The following ZFHX3 variants were observed in gnomAD, a reference collection of about 807,000 sequenced individuals.
The protein encoded by ZFHX3 is zinc finger homeobox 3, also known as zinc finger homeobox protein 3.
ZFHX3 carries 42 observed loss-of-function variants against 279.1 expected under a neutral mutation model. The observed-to-expected ratio is 0.15, with a 90% CI of 0.12 to 0.19. ZFHX3 has a LOEUF of 0.19. Among genes scored for constraint, ZFHX3 ranks in the 10% least tolerant of loss-of-function variants. The probability of loss-of-function intolerance (pLI) is 1.00; values close to 1 mark genes in which losing one functional copy is unlikely to be tolerated. For synonymous variants in ZFHX3, 2,293 were observed against 1,957.8 expected, an observed-to-expected ratio of 1.17 and a Z score of -4.52; for missense variants, 4,981 against 4,754.0, an observed-to-expected ratio of 1.05 and a Z score of -1.40.
At chr16:73,168,880 A>G (rs1967456767) in intron 5 of ZFHX3, among the ~76,000 whole-genome samples, 1 of 152,168 alleles carries the variant, frequency 6.6e-6, no homozygotes, top group Non-Finnish European at 1.5e-5. Flanking sequence ...CCTTGAGAGC[A>G]TGGCACCCTT....
At chr16:72,850,960 C>T (rs1482907035) in intron 4 of ZFHX3, among the ~76,000 whole-genome samples, 1 of 151,986 alleles carries the variant, frequency 6.6e-6, no homozygotes, top group Non-Finnish European at 1.5e-5. Context: ...TAGCTTTGGG[C>T]CAAGTGGTGA....
intron 2 of ZFHX3, among the ~76,000 whole-genome samples, chr16:73,643,318 C>T (rs2052590141): frequency 1.3e-5 from 2 of 152,114 alleles, no homozygotes; most frequent in African/African-American, 2.4e-5. Context: ...TATGAATGAA[C>T]CCTTTTCTGG....
chr16:72,885,698 A>C lies in ZFHX3; in HGVS notation c.3448+4033T>G, dbSNP rs1014726301. Among the ~76,000 whole-genome samples, 22 of 152,224 alleles carry C rather than the reference A, an allele frequency of 1.4e-4. 1 individual carries two copies. The highest frequency in any genetic ancestry group is 2.1e-4 in the South Asian group (1 of 4,830). Reference sequence around the variant, plus strand: ...ATGAGGTCCAGAACTCAGAAAGGACAAGGGGTTATTTCTGAAGGGTTTTGT... The same window carrying C: ...ATGAGGTCCAGAACTCAGAAAGGACCAGGGGTTATTTCTGAAGGGTTTTGT... On this transcript the variant is annotated intron_variant, in intron 4 of 9. Transcript: ENST00000268489.
chr16:72,955,083 A>T lies in ZFHX3; in HGVS notation c.2719+2344T>A, dbSNP rs1961187617. On this transcript the variant is annotated intron_variant, in intron 2 of 9. Transcript: ENST00000268489. ...CTGAGGTCATACAACTCAAATTCCA[A>T]GTCTTTTGGACACTTCCTATGGCCC... Among the ~76,000 whole-genome samples the T allele has an allele frequency of 2.0e-5, 3 of 152,168 alleles. No individual in the cohort carries two copies. In the South Asian group the frequency reaches 6.2e-4, roughly 32 times the overall value.
intron 1 of ZFHX3, among the ~76,000 whole-genome samples, chr16:73,688,138 C>A (rs1016430343): frequency 6.6e-6 from 1 of 151,818 alleles, no homozygotes; most frequent in Non-Finnish European, 1.5e-5. Context: ...AGGTGGATCA[C>A]CTGAGGTCAG....
At chr16:73,605,290 G>A (rs1409034900) in intron 2 of ZFHX3, among the ~76,000 whole-genome samples, 2 of 152,214 alleles carry the variant, frequency 1.3e-5, no homozygotes, top group Non-Finnish European at 2.9e-5. Flanking sequence ...AAACCTCATC[G>A]TGGAAGGAGT....
intron 2 of ZFHX3, among the ~76,000 whole-genome samples, chr16:72,951,183 T>C (rs1960978112): frequency 6.6e-6 from 1 of 152,216 alleles, no homozygotes; most frequent in South Asian, 2.1e-4. Flanking sequence ...CTGAGATTTC[T>C]GGCAGGTTTT....
chr16:72,883,692 T>C (rs985793011), intron 4 of ZFHX3, among the ~76,000 whole-genome samples: 2 of 152,278 alleles, frequency 1.3e-5, no homozygotes, highest in African/African-American at 2.4e-5. Context: ...TGCTGAAATT[T>C]ACAATCCCTG....
At chr16:73,006,354 G>A (rs973378430) in intron 1 of ZFHX3, among the ~76,000 whole-genome samples, 7 of 152,158 alleles carry the variant, frequency 4.6e-5, no homozygotes, top group African/African-American at 7.2e-5. Context: ...CAAGTGTGAC[G>A]GCTCAAGCCT....
At chr16:73,158,115 T>A (rs1967138791) in intron 5 of ZFHX3, among the ~76,000 whole-genome samples, 3 of 152,232 alleles carry the variant, frequency 2.0e-5, no homozygotes, top group African/African-American at 7.2e-5. Flanking sequence ...ACATTAATTA[T>A]GTCCTAAGAA....
At chr16:73,850,287 G>A (rs1961562181) in intron 1 of ZFHX3, among the ~76,000 whole-genome samples, 1 of 152,188 alleles carries the variant, frequency 6.6e-6, no homozygotes, top group Non-Finnish European at 1.5e-5. Flanking sequence ...AACTACAAAA[G>A]ATTTTTAAAG....
At chr16:73,674,782 T>C (rs1597059610) in intron 2 of ZFHX3, among the ~76,000 whole-genome samples, 2 of 152,230 alleles carry the variant, frequency 1.3e-5, no homozygotes, top group Admixed American at 1.3e-4. Flanking sequence ...CCCTCAGATA[T>C]GTGGCTCCAA....
chr16:73,307,585 C>T (rs1244716274), intron 4 of ZFHX3, among the ~76,000 whole-genome samples: 1 of 152,166 alleles, frequency 6.6e-6, no homozygotes, highest in Non-Finnish European at 1.5e-5. Context: ...CAGGTAGGTA[C>T]CACAGCTGGA....
chr16:72,910,156 C>G (rs995416867), intron 3 of ZFHX3, among the ~76,000 whole-genome samples: 3 of 152,172 alleles, frequency 2.0e-5, no homozygotes, highest in Non-Finnish European at 4.4e-5. Flanking sequence ...AGGTTATACA[C>G]TTATTCAGAG....
In ZFHX3 at chr16:72,958,818, T is replaced by C; in HGVS notation, c.1328A>G (p.Lys443Arg). The C allele has an allele frequency of 6.2e-7, 1 of 1,614,146 alleles. No homozygotes were observed. Among genetic ancestry groups the C allele is most frequent in the East Asian group, 2.2e-5 (1 of 44,866 alleles). ...GKDSGAAEGEKQEVGDGDCFS... is the reference protein window; with the variant it reads ...GKDSGAAEGERQEVGDGDCFS... ...GCAATCCCCGTCGCCCACTTCCTGC[T>C]TCTCTCCTTCTGCCGCCCCAGAGTC... The change falls in exon 2 of 10, where the codon AAG (lysine) becomes AGG (arginine). Residue 443 changes from lysine to arginine, a missense_variant. Physicochemically the swap from Lys to Arg is conservative, Grantham distance 26. This residue lies in a region of ZFHX3 where 1,068 missense variants were observed against 935.2 expected (regional missense o/e 1.14). Transcript: ENST00000268489.
chr16:73,370,811 C>T (rs563139623), intron 3 of ZFHX3, among the ~76,000 whole-genome samples: 14 of 152,308 alleles, frequency 9.2e-5, no homozygotes, highest in African/African-American at 3.4e-4. Flanking sequence ...CCAATATATG[C>T]CTCACTGGCC....
At chr16:73,640,525 C>G (rs2052564404) in intron 2 of ZFHX3, among the ~76,000 whole-genome samples, 1 of 152,096 alleles carries the variant, frequency 6.6e-6, no homozygotes, top group African/African-American at 2.4e-5. Flanking sequence ...GACATTGCCT[C>G]TAGAAAACAT....
chr16:73,507,787 C>A lies in ZFHX3; in HGVS notation c.-1546-51529G>T, dbSNP rs2019354169. On this transcript the variant is annotated intron_variant, in intron 2 of 17. Coordinates refer to the ZFHX3 transcript ENST00000641206. ...AAGTGCTGGGATTACAGGCAAGAGCCACTGTGCCTGGCCTCTGCCACTTTT... is the reference window on the plus strand; with the variant it reads ...AAGTGCTGGGATTACAGGCAAGAGCAACTGTGCCTGGCCTCTGCCACTTTT... Among the ~76,000 whole-genome samples the A allele has an allele frequency of 1.3e-5, 2 of 152,246 alleles. 1 individual carries two copies. The highest frequency in any genetic ancestry group is 3.9e-4 in the East Asian group (2 of 5,176).
intron 2 of ZFHX3, among the ~76,000 whole-genome samples, chr16:73,533,926 G>A (rs1415232058): frequency 1.3e-5 from 2 of 152,104 alleles, no homozygotes; most frequent in African/African-American, 4.8e-5. Flanking sequence ...TTCTCACCTA[G>A]ATCATGGCAA....
Sources: allele counts gnomAD v4.1 joint callset (sites outside exome capture counted in the v4.1 genomes callset), GRCh38; gene constraint gnomAD v4.1.1; regional missense constraint gnomAD v4.1.1; transcripts MANE v1.5; gene names NCBI Gene and HGNC (gene_info 2026-07-23, HGNC 2026-07-21).